WDR7: variants seen among roughly 807,000 people sequenced by gnomAD.
The protein encoded by WDR7 is WD repeat domain 7, also known as WD repeat-containing protein 7.
WDR7 carries 46 observed loss-of-function variants against 169.4 expected under a neutral mutation model. The observed-to-expected ratio is 0.27, with a 90% CI of 0.21 to 0.35. WDR7 has a LOEUF of 0.35. WDR7 is among the 10% of genes least tolerant of loss of function. The pLI, the probability that WDR7 is intolerant of heterozygous loss-of-function variation, is 1.00. For missense variants in WDR7, 1,534 were observed against 1,859.3 expected (o/e 0.83, Z 3.22); for synonymous variants, 612 against 666.8 (o/e 0.92, Z 1.27).
intron 19 of WDR7, among the ~76,000 whole-genome samples, chr18:56,793,816 G>A (rs1219718964): frequency 6.6e-6 from 1 of 152,176 alleles, no homozygotes; most frequent in East Asian, 1.9e-4. Flanking sequence ...TCTTTAGAAA[G>A]CGGGCTTACA....
chr18:56,748,520 C>T lies in WDR7; in HGVS notation c.1990-8063C>T, dbSNP rs143548776. 2.8e-3 allele frequency among the ~76,000 whole-genome samples: 432 copies of T among 152,224 alleles called. 3 individuals are homozygous for T. The East Asian group carries it at 0.031, about 11-fold the overall frequency. ...TTTATCAAAGGCATGACCTAAACAT[C>T]TATACTTAATGGTTACAACTTACTG... On this transcript the variant is annotated intron_variant, in intron 14 of 27. Coordinates refer to ENST00000254442, the MANE Select transcript of WDR7 (RefSeq NM_015285.3).
At chr18:56,844,779 G>A (rs2045543095) in intron 20 of WDR7, among the ~76,000 whole-genome samples, 1 of 152,074 alleles carries the variant, frequency 6.6e-6, no homozygotes, top group South Asian at 2.1e-4. Context: ...GAACTAGCAA[G>A]GCTTAAAATT....
intron 26 of WDR7, among the ~76,000 whole-genome samples, chr18:57,012,016 A>G (rs1244707146): frequency 1.3e-5 from 2 of 152,274 alleles, no homozygotes; most frequent in East Asian, 3.9e-4. Flanking sequence ...ACCTTCAGGC[A>G]CTGAGGACCA....
intron 21 of WDR7, among the ~76,000 whole-genome samples, chr18:56,887,426 A>C (rs1391796033): frequency 6.6e-6 from 1 of 152,218 alleles, no homozygotes; most frequent in African/African-American, 2.4e-5. Flanking sequence ...AGATATGGGA[A>C]GGGAAGACTG....
At chr18:56,955,357 A>G (rs2047236583) in intron 25 of WDR7, among the ~76,000 whole-genome samples, 1 of 152,166 alleles carries the variant, frequency 6.6e-6, no homozygotes. Context: ...ATTTCACTGT[A>G]TAACAGGAGG....
In WDR7 at chr18:56,700,565, CTTTT is replaced by C. The variant is rs71169389; in HGVS notation, c.1578+4122_1578+4125del. On this transcript the variant is annotated intron_variant, in intron 12 of 27. Coordinates refer to ENST00000254442, the MANE Select transcript of WDR7 (RefSeq NM_015285.3). ...CCACTGCGCCTGGCCAATATTGTTTCTTTTTTTTTTTTTTTTTTTTTTGAGACGG... is the reference window on the plus strand; with the variant it reads ...CCACTGCGCCTGGCCAATATTGTTTCTTTTTTTTTTTTTTTTTTGAGACGG... Among the ~76,000 whole-genome samples the C allele has an allele frequency of 8.5e-4, 98 of 115,812 alleles. 7 individuals are homozygous for C. The highest frequency in any genetic ancestry group is 5.7e-3 in the Middle Eastern group (1 of 174). 76.0% of individuals were successfully genotyped at this position (115,812 alleles called of 152,430 possible).
At chr18:56,885,508 G>A (rs1435630111) in intron 21 of WDR7, among the ~76,000 whole-genome samples, 1 of 151,900 alleles carries the variant, frequency 6.6e-6, no homozygotes, top group African/African-American at 2.4e-5. Context: ...CTCAGCAATA[G>A]AATCGAACAA....
At chr18:56,788,245 A>G (rs1159802540) in intron 19 of WDR7, among the ~76,000 whole-genome samples, 1 of 152,164 alleles carries the variant, frequency 6.6e-6, no homozygotes, top group African/African-American at 2.4e-5. Context: ...CCACTTGCTT[A>G]TTGAAGAGAA....
intron 19 of WDR7, among the ~76,000 whole-genome samples, chr18:56,804,676 C>T (rs916823969): frequency 2.6e-5 from 4 of 152,090 alleles, no homozygotes; most frequent in South Asian, 2.1e-4. Flanking sequence ...AACAGTGGTC[C>T]GCTGAGATAC....
At chr18:56,884,389 T>C (rs1348101359) in intron 21 of WDR7, among the ~76,000 whole-genome samples, 1 of 152,216 alleles carries the variant, frequency 6.6e-6, no homozygotes, top group Non-Finnish European at 1.5e-5. Context: ...TTCCTTGTAG[T>C]TTCTGGATAT....
chr18:56,854,899 T>C lies in WDR7; in HGVS notation c.3305-25045T>C, dbSNP rs185358314. On this transcript the variant is annotated intron_variant, in intron 20 of 27. Transcript: ENST00000254442. Reference sequence around the variant, plus strand: ...TTCTGAGGCCTAAAGTATTCCAACATAATAACAAAAGACAGTAACAAGGGC... The same window carrying C: ...TTCTGAGGCCTAAAGTATTCCAACACAATAACAAAAGACAGTAACAAGGGC... 2.0e-3 allele frequency among the ~76,000 whole-genome samples: 311 copies of C among 152,100 alleles called. 2 individuals carry two copies. The highest frequency in any genetic ancestry group is 3.1e-3 in the South Asian group (15 of 4,814).
chr18:57,029,517 C>T lies in WDR7; in HGVS notation c.*2310C>T, dbSNP rs1195022765. On this transcript the variant is annotated 3_prime_UTR_variant, in exon 28 of 28. Coordinates refer to ENST00000254442, the MANE Select transcript of WDR7 (RefSeq NM_015285.3). ...GGTAAACTCTGCATTGTCATCCCAG[C>T]GTACACCTTTAATGTTTTATTGATT... 1.3e-5 allele frequency: 2 copies of T among 152,146 alleles called. No homozygotes were observed. Among genetic ancestry groups the T allele is most frequent in the East Asian group, 1.9e-4 (1 of 5,182 alleles). The allele number at this position is 152,146 out of a possible 1,614,324, so 9.4% of individuals were successfully genotyped here. A position where few individuals can be genotyped will look rare whatever the true frequency, so the allele number is the denominator to read the frequency against.
At chr18:56,754,872 G>A (rs1393631200) in intron 14 of WDR7, among the ~76,000 whole-genome samples, 1 of 152,064 alleles carries the variant, frequency 6.6e-6, no homozygotes, top group African/African-American at 2.4e-5. Context: ...AAGGTATTTT[G>A]CCAAATTACT....
At chr18:56,768,064 A>G (rs1009008143) in intron 16 of WDR7, among the ~76,000 whole-genome samples, 2 of 152,222 alleles carry the variant, frequency 1.3e-5, no homozygotes, top group Non-Finnish European at 2.9e-5. Flanking sequence ...CTGTAATCAT[A>G]ATAGATGGAA....
chr18:56,695,766 C>G (rs1312016469), intron 11 of WDR7, among the ~76,000 whole-genome samples: 1 of 152,130 alleles, frequency 6.6e-6, no homozygotes, highest in South Asian at 2.1e-4. Context: ...AACTCCTGAC[C>G]TCAAGTGATC....
chr18:56,809,156 G>GT (rs1261594924), intron 19 of WDR7, among the ~76,000 whole-genome samples: 1 of 151,910 alleles, frequency 6.6e-6, no homozygotes, highest in Non-Finnish European at 1.5e-5. Context: ...ATGTACATTG[G>GT]TTTTTTATTT....
intron 21 of WDR7, among the ~76,000 whole-genome samples, chr18:56,899,455 C>A (rs2046372325): frequency 1.3e-5 from 2 of 152,022 alleles, no homozygotes; most frequent in African/African-American, 2.4e-5. Flanking sequence ...AAAGAAAAAT[C>A]TTCCATGCTG....
chr18:56,671,696 C>G (rs12968715), intron 1 of WDR7, among the ~76,000 whole-genome samples: 5 of 152,144 alleles, frequency 3.3e-5, no homozygotes, highest in Non-Finnish European at 5.9e-5. Context: ...TGAGAAAGAC[C>G]ACAGGTTCTG....
intron 21 of WDR7, among the ~76,000 whole-genome samples, chr18:56,885,231 A>G (rs2145499907): frequency 6.6e-6 from 1 of 152,304 alleles, no homozygotes; most frequent in Admixed American, 6.5e-5. Flanking sequence ...AAGGTTTTGT[A>G]ATACCTCCAA....
Sources: gnomAD v4.1 joint callset for allele counts (sites outside exome capture counted in the v4.1 genomes callset) on GRCh38, gnomAD v4.1.1 for gene constraint, MANE v1.5 for transcripts, NCBI Gene and HGNC (gene_info 2026-07-23, HGNC 2026-07-21) for gene names.